PTGFRN: variants seen among roughly 807,000 people sequenced by gnomAD.
PTGFRN encodes the protein prostaglandin F2 receptor inhibitor.
A neutral mutation model predicts 83.2 loss-of-function variants in PTGFRN; 35 were observed. The ratio of observed to expected loss-of-function variants is 0.42; its 90% CI spans 0.32 to 0.56. The LOEUF is 0.56. Ranked by LOEUF, PTGFRN falls within the 20% of genes least tolerant of loss-of-function variation. The pLI is 0.11. For synonymous variants in PTGFRN, 519 were observed against 498.6 expected, an observed-to-expected ratio of 1.04 and a Z score of -0.55; for missense variants, 1,051 against 1,179.5, an observed-to-expected ratio of 0.89 and a Z score of 1.60.
At chr1:116,913,223 TG>T (rs1190709244) in intron 1 of PTGFRN, among the ~76,000 whole-genome samples, 3 of 152,086 alleles carry the variant, frequency 2.0e-5, no homozygotes, top group Non-Finnish European at 4.4e-5. Flanking sequence ...AATTTTGACT[TG>T]GGGGTTGGGG....
At chr1:116,959,417 T>C (rs1650583086) in intron 4 of PTGFRN, among the ~76,000 whole-genome samples, 1 of 152,212 alleles carries the variant, frequency 6.6e-6, no homozygotes, top group Non-Finnish European at 1.5e-5. Flanking sequence ...GGAATTAGGA[T>C]TTTGAGTTCT....
chr1:116,969,036 G>A (rs6691143), intron 6 of PTGFRN, among the ~76,000 whole-genome samples: 1 of 151,322 alleles, frequency 6.6e-6, no homozygotes, highest in Admixed American at 6.6e-5. Flanking sequence ...GTATCTTCTC[G>A]CATTCTGTGT....
At chr1:116,975,164 G>C (rs1232290685) in intron 7 of PTGFRN, among the ~76,000 whole-genome samples, 2 of 152,226 alleles carry the variant, frequency 1.3e-5, no homozygotes, top group East Asian at 3.8e-4. Flanking sequence ...CAAGGTGGCA[G>C]CGAGGCTGGG....
chr1:116,976,748 G>A (rs571707234), intron 7 of PTGFRN, among the ~76,000 whole-genome samples: 29 of 152,204 alleles, frequency 1.9e-4, no homozygotes, highest in South Asian at 1.0e-3. Context: ...AGGATCAGCC[G>A]GTACCAGCCA....
Position 116,961,219 on chromosome 1 carries a change from C to T in PTGFRN, c.1214-24C>T, listed in dbSNP as rs540888559. ...ATGTTACTCTAATTATTTTCCTATC[C>T]TGGCCTTTCTGTCTCTCGTTCAGAA... On this transcript the variant is annotated intron_variant, in intron 4 of 8. Coordinates refer to ENST00000393203, the MANE Select transcript of PTGFRN (RefSeq NM_020440.4). This position sits in a 1 kb window ranked among gnomAD's most constrained non-coding sequence, Gnocchi z 5.4. 6.7e-7 allele frequency: 1 copy of T among 1,499,928 alleles called. No individual in the cohort carries two copies. The highest frequency in any genetic ancestry group is 1.4e-5 in the African/African-American group (1 of 71,548). 92.9% of individuals were successfully genotyped at this position (1,499,928 alleles called of 1,614,324 possible). A position where few individuals can be genotyped will look rare whatever the true frequency, so the allele number is the denominator to read the frequency against.
intron 8 of PTGFRN, among the ~76,000 whole-genome samples, chr1:116,985,421 G>A (rs1651435844): frequency 6.6e-6 from 1 of 152,072 alleles, no homozygotes; most frequent in Non-Finnish European, 1.5e-5. Context: ...ACTCATGGCT[G>A]GGCACAGTGG....
chr1:116,926,801 G>T (rs1285301412), intron 1 of PTGFRN, among the ~76,000 whole-genome samples: 1 of 152,114 alleles, frequency 6.6e-6, no homozygotes, highest in Non-Finnish European at 1.5e-5. Flanking sequence ...AAATATTGTG[G>T]AATAACACAT....
intron 6 of PTGFRN, among the ~76,000 whole-genome samples, chr1:116,968,985 G>T: frequency 6.6e-6 from 1 of 151,756 alleles, no homozygotes; most frequent in African/African-American, 2.4e-5. Context: ...CTACTTTTTG[G>T]CTATTATGAA....
chr1:116,968,580 A>T (rs1026315299), intron 6 of PTGFRN, among the ~76,000 whole-genome samples: 2 of 152,126 alleles, frequency 1.3e-5, no homozygotes, highest in African/African-American at 4.8e-5. Context: ...AATTTACTAT[A>T]TATAGAGTGT....
rs1261414518 is a variant in PTGFRN at position 116,918,106 on chromosome 1, A to T, written c.49+7854A>T. On this transcript the variant is annotated intron_variant, in intron 1 of 8. Coordinates refer to ENST00000393203, the MANE Select transcript of PTGFRN (RefSeq NM_020440.4). This position sits in a 1 kb window ranked among gnomAD's most constrained non-coding sequence, Gnocchi z 4.1. ...TCTCTTATTCACATTAGCTAAGAAG[A>T]TTTTAATAGTTTGTATTACAAATAA... is the stretch of plus-strand genomic sequence containing the variant. Among the ~76,000 whole-genome samples the T allele has an allele frequency of 6.6e-6, 1 of 152,200 alleles. No homozygotes were observed. The highest frequency in any genetic ancestry group is 2.1e-4 in the South Asian group (1 of 4,830).
chr1:116,934,519 T>A (rs1649872921), intron 1 of PTGFRN, among the ~76,000 whole-genome samples: 1 of 147,002 alleles, frequency 6.8e-6, no homozygotes, highest in Non-Finnish European at 1.5e-5. Context: ...GGATATTGTA[T>A]TTTTTTTTTT....
chr1:116,975,134 G>A (rs1458742313), intron 7 of PTGFRN, among the ~76,000 whole-genome samples: 5 of 152,168 alleles, frequency 3.3e-5, no homozygotes, highest in Non-Finnish European at 4.4e-5. Context: ...TTGCTAGCAC[G>A]GCAGTCTGAG....
intron 1 of PTGFRN, among the ~76,000 whole-genome samples, chr1:116,937,225 A>G (rs1044146646): frequency 2.6e-5 from 4 of 151,410 alleles, no homozygotes; most frequent in Non-Finnish European, 5.9e-5. Context: ...ACAGACAGGA[A>G]GTCCAAGAAA....
At chr1:116,940,273 G>T (rs964809384) in intron 1 of PTGFRN, among the ~76,000 whole-genome samples, 7 of 152,166 alleles carry the variant, frequency 4.6e-5, no homozygotes, top group Admixed American at 3.3e-4. Context: ...AATCTGTTCC[G>T]TGCTTCTCCC....
chr1:116,916,134 T>C (rs1385618417), intron 1 of PTGFRN, among the ~76,000 whole-genome samples: 1 of 152,196 alleles, frequency 6.6e-6, no homozygotes, highest in East Asian at 1.9e-4. Context: ...CTCTGTATTG[T>C]GTCACTAAGC....
At chr1:116,975,495 T>A (rs1048170803) in intron 7 of PTGFRN, among the ~76,000 whole-genome samples, 4 of 152,064 alleles carry the variant, frequency 2.6e-5, no homozygotes, top group Non-Finnish European at 5.9e-5. Context: ...GACTGACACC[T>A]CACATGGCCG....
Position 116,987,385 on chromosome 1 carries a change from C to T in PTGFRN, c.*418C>T, listed in dbSNP as rs201451440. 8.5e-5 allele frequency: 17 copies of T among 200,474 alleles called. No individual in the cohort carries two copies. In the East Asian group the frequency reaches 2.2e-3, roughly 26 times the overall value. 12.4% of individuals were successfully genotyped at this position (200,474 alleles called of 1,614,324 possible). On this transcript the variant is annotated 3_prime_UTR_variant, in exon 9 of 9. Transcript: ENST00000393203. Reference sequence around the variant, plus strand: ...GCCTGCCCGCCTGAGAGCCAGCTTCCGCGTTGGAGGCACGTGTTCAGAGAG... The same window carrying T: ...GCCTGCCCGCCTGAGAGCCAGCTTCTGCGTTGGAGGCACGTGTTCAGAGAG...
At chr1:116,965,070 A>G (rs1475101286) in intron 5 of PTGFRN, among the ~76,000 whole-genome samples, 2 of 151,956 alleles carry the variant, frequency 1.3e-5, no homozygotes, top group East Asian at 3.9e-4. Context: ...TTCTGTACCA[A>G]CTGGTCACAT....
rs1415284867 is a variant in PTGFRN, at chr1:116,974,890, TACAGCCC to T, written c.2167+570_2167+576del. ...TGGGCAGTGGGTGCAGGACAGTAGG[TACAGCCC>T]ACCGAGCGTGAGCCGAAGCAGGGCA... On this transcript the variant is annotated intron_variant, in intron 7 of 8. Coordinates refer to ENST00000393203, the MANE Select transcript of PTGFRN (RefSeq NM_020440.4). Among the ~76,000 whole-genome samples the T allele has an allele frequency of 1.1e-4, 16 of 152,150 alleles. No individual in the cohort carries two copies. In the South Asian group the frequency reaches 1.2e-3, roughly 12 times the overall value.
Sources: gnomAD v4.1 joint callset for allele counts (sites outside exome capture counted in the v4.1 genomes callset) on GRCh38, gnomAD v4.1.1 for gene constraint, Gnocchi (gnomAD v3.1) non-coding constraint, MANE v1.5 for transcripts, NCBI Gene and HGNC (gene_info 2026-07-23, HGNC 2026-07-21) for gene names.